LRRC4C: variants seen among roughly 807,000 people sequenced by gnomAD.
LRRC4C encodes the protein leucine-rich repeat-containing protein 4C.
Under a neutral mutation model 33.6 loss-of-function variants are expected in LRRC4C, and 5 were observed. The observed-to-expected ratio is 0.15, with a 90% CI of 0.08 to 0.31. The LOEUF is 0.31. LRRC4C is among the 10% of genes least tolerant of loss of function. LRRC4C has a pLI of 1.00. For missense variants in LRRC4C, 560 were observed against 796.7 expected (o/e 0.70, Z 3.58); for synonymous variants, 329 against 302.0 (o/e 1.09, Z -0.93).
intron 1 of LRRC4C, among the ~76,000 whole-genome samples, chr11:41,402,480 A>T (rs1954062782): frequency 6.6e-6 from 1 of 152,084 alleles, no homozygotes; most frequent in African/African-American, 2.4e-5. Context: ...TTTACTGAAG[A>T]GCTACTCAGT....
Position 41,062,444 on chromosome 11 carries a change from C to T in LRRC4C, c.-495-128721G>A, listed in dbSNP as rs532818700. Among the ~76,000 whole-genome samples the T allele has an allele frequency of 1.3e-4, 20 of 152,258 alleles. No individual in the cohort carries two copies. The South Asian group carries it at 3.9e-3, about 30-fold the overall frequency. On this transcript the variant is annotated intron_variant, in intron 1 of 6. Transcript: ENST00000528697. ...TTATTACCTTCTCTTGATAAAACAA[C>T]AGTTTCCATTCAGTATTTTAATGCA...
chr11:40,647,824 G>A (rs558474389), intron 3 of LRRC4C, among the ~76,000 whole-genome samples: 1 of 152,266 alleles, frequency 6.6e-6, no homozygotes, highest in African/African-American at 2.4e-5. Flanking sequence ...AACTCCTGGG[G>A]TAGCGCTCAG....
At chr11:41,282,308 T>A (rs1299672215) in intron 1 of LRRC4C, among the ~76,000 whole-genome samples, 1 of 152,218 alleles carries the variant, frequency 6.6e-6, no homozygotes, top group Non-Finnish European at 1.5e-5. Context: ...CATATGGTTA[T>A]AAAGAGTGAA....
At chr11:40,680,595 T>C (rs1011758506) in intron 2 of LRRC4C, among the ~76,000 whole-genome samples, 11 of 152,170 alleles carry the variant, frequency 7.2e-5, no homozygotes, top group Admixed American at 2.6e-4. Context: ...GTTAAAAGCA[T>C]GAGTTTCTCT....
At chr11:41,101,088 G>A (rs375644446) in intron 1 of LRRC4C, among the ~76,000 whole-genome samples, 1 of 152,088 alleles carries the variant, frequency 6.6e-6, no homozygotes, top group East Asian at 1.9e-4. Context: ...CTAGACAGAG[G>A]AACTGGCAAA....
chr11:40,352,454 TA>T (rs1446199536), intron 3 of LRRC4C, among the ~76,000 whole-genome samples: 1 of 151,946 alleles, frequency 6.6e-6, no homozygotes, highest in African/African-American at 2.4e-5. Context: ...ATCTTCTTTT[TA>T]AATTTTATTT....
chr11:40,782,489 AC>A (rs1454177021), intron 2 of LRRC4C, among the ~76,000 whole-genome samples: 1 of 151,728 alleles, frequency 6.6e-6, no homozygotes, highest in South Asian at 2.1e-4. Flanking sequence ...ATTAGCAGCC[AC>A]AAAAGGACTT....
intron 1 of LRRC4C, among the ~76,000 whole-genome samples, chr11:41,447,802 T>C (rs748578119): frequency 5.9e-5 from 9 of 152,188 alleles, no homozygotes; most frequent in Non-Finnish European, 1.2e-4. Flanking sequence ...CATTCATTCT[T>C]CTATCCTGTA....
chr11:41,176,937 C>T (rs1032939604), intron 1 of LRRC4C, among the ~76,000 whole-genome samples: 15 of 151,992 alleles, frequency 9.9e-5, no homozygotes, highest in African/African-American at 3.4e-4. Context: ...TGCACTCCAG[C>T]CTGGGCGACA....
intron 1 of LRRC4C, among the ~76,000 whole-genome samples, chr11:40,992,430 A>C (rs2137267545): frequency 7.5e-6 from 1 of 132,538 alleles, no homozygotes. Flanking sequence ...CATAAACAAA[A>C]GTGGTTTTTT....
chr11:41,157,209 G>C (rs915219892), intron 1 of LRRC4C, among the ~76,000 whole-genome samples: 1 of 152,022 alleles, frequency 6.6e-6, no homozygotes, highest in Non-Finnish European at 1.5e-5. Context: ...ATTAAGATGA[G>C]GGTAAATGTT....
chr11:40,426,992 T>C (rs1950740639), intron 3 of LRRC4C, among the ~76,000 whole-genome samples: 1 of 152,202 alleles, frequency 6.6e-6, no homozygotes, highest in Non-Finnish European at 1.5e-5. Flanking sequence ...TGTACTGGAA[T>C]GCTTATATAA....
chr11:40,260,611 C>T (rs529496418), intron 4 of LRRC4C, among the ~76,000 whole-genome samples: 231 of 151,778 alleles, frequency 1.5e-3, no homozygotes, highest in Non-Finnish European at 1.9e-3. Flanking sequence ...CACTTAGGTG[C>T]AAGAACTATA....
chr11:40,721,773 A>G (rs1947027780), intron 2 of LRRC4C, among the ~76,000 whole-genome samples: 1 of 102,442 alleles, frequency 9.8e-6, no homozygotes, highest in Non-Finnish European at 2.1e-5. Context: ...ACGTGGTGAA[A>G]CCCTAAAAAT....
At chr11:40,337,288 A>G (rs1946671532) in intron 3 of LRRC4C, among the ~76,000 whole-genome samples, 1 of 152,220 alleles carries the variant, frequency 6.6e-6, no homozygotes, top group South Asian at 2.1e-4. Flanking sequence ...ACGAAGGTAA[A>G]GACTGTGGAT....
intron 3 of LRRC4C, among the ~76,000 whole-genome samples, chr11:40,582,229 T>C (rs1958500037): frequency 6.6e-6 from 1 of 152,178 alleles, no homozygotes; most frequent in African/African-American, 2.4e-5. Flanking sequence ...TAAAATTTTG[T>C]TCCACTTTCA....
chr11:40,348,210 CAT>C (rs1234127340), intron 3 of LRRC4C, among the ~76,000 whole-genome samples: 1 of 51,912 alleles, frequency 1.9e-5, no homozygotes, highest in African/African-American at 6.4e-5. Flanking sequence ...GTTATGAACA[CAT>C]GTTGTTGGAA....
At chr11:41,217,865 TGTTCAC>T (rs151192566) in intron 1 of LRRC4C, among the ~76,000 whole-genome samples, 3,158 of 152,300 alleles carry the variant, frequency 0.021, 53 homozygotes, top group Non-Finnish European at 0.031. Flanking sequence ...AATTGCATTA[TGTTCAC>T]ACAATAGAAT....
chr11:41,073,333 G>T (rs112377577), intron 1 of LRRC4C, among the ~76,000 whole-genome samples: 54 of 151,846 alleles, frequency 3.6e-4, no homozygotes, highest in South Asian at 6.3e-4. Flanking sequence ...AAAGTGAGGG[G>T]TTTTTTTAAC....
Sources: allele counts gnomAD v4.1 joint callset (sites outside exome capture counted in the v4.1 genomes callset), GRCh38; gene constraint gnomAD v4.1.1; transcripts MANE v1.5; gene names NCBI Gene and HGNC (gene_info 2026-07-23, HGNC 2026-07-21).